Variants in MIPOL1 observed in about 807,000 individuals in gnomAD.
The protein encoded by MIPOL1 is mirror-image polydactyly 1, also known as mirror-image polydactyly gene 1 protein.
MIPOL1 carries 57 observed loss-of-function variants against 60.9 expected under a neutral mutation model. That is an observed-to-expected ratio of 0.94 (90% confidence interval 0.76 to 1.17). MIPOL1 has a LOEUF of 1.17. MIPOL1 is among the 50% of genes most tolerant of loss of function. The pLI is 0.00. For missense variants in MIPOL1, 551 were observed against 511.6 expected (o/e 1.08, Z -0.74); for synonymous variants, 179 against 168.8 (o/e 1.06, Z -0.47).
chr14:37,546,737 A>G (rs2095549020), intron 12 of MIPOL1, among the ~76,000 whole-genome samples, 168 bp from the exon 13 acceptor site: 1 of 152,164 alleles, frequency 6.6e-6, no homozygotes, highest in South Asian at 2.1e-4. Context: ...TTTAACCTCA[A>G]ATACTTGGCA....
At chr14:37,337,690 T>G (rs933828423) in intron 9 of MIPOL1, among the ~76,000 whole-genome samples, 3 of 151,890 alleles carry the variant, frequency 2.0e-5, no homozygotes, top group Non-Finnish European at 4.4e-5. Context: ...TTTAGAGAAA[T>G]GTCTATTGTG....
chr14:37,521,889 A>AAT (rs1411283022), intron 12 of MIPOL1, among the ~76,000 whole-genome samples: 1 of 52,940 alleles, frequency 1.9e-5, no homozygotes, highest in Admixed American at 2.5e-4. Context: ...TCTAAAGAAA[A>AAT]AAAAATATAT....
At chr14:37,345,227 C>A (rs1439434591) in intron 9 of MIPOL1, among the ~76,000 whole-genome samples, 1 of 149,668 alleles carries the variant, frequency 6.7e-6, no homozygotes, top group South Asian at 2.2e-4. Flanking sequence ...TCTCAGCCTT[C>A]TGAGTAGTTG....
At chr14:37,260,673 T>C (rs2082460112) in intron 3 of MIPOL1, among the ~76,000 whole-genome samples, 1 of 152,196 alleles carries the variant, frequency 6.6e-6, no homozygotes, top group Non-Finnish European at 1.5e-5. Context: ...TTATTAATTA[T>C]GTAGACCAAT....
At chr14:37,525,280 A>G (rs1422894781) in intron 12 of MIPOL1, among the ~76,000 whole-genome samples, 2 of 152,198 alleles carry the variant, frequency 1.3e-5, no homozygotes, top group East Asian at 1.9e-4. Context: ...GTAAACAGCA[A>G]TCATAATAGG....
At chr14:37,498,875 C>T (rs1463959380) in intron 11 of MIPOL1, among the ~76,000 whole-genome samples, 1 of 152,180 alleles carries the variant, frequency 6.6e-6, no homozygotes, top group East Asian at 1.9e-4. Flanking sequence ...TTACTTTGAA[C>T]AGTTTTAAAG....
intron 7 of MIPOL1, among the ~76,000 whole-genome samples, chr14:37,294,896 G>C (rs1483303632): frequency 6.6e-6 from 1 of 152,082 alleles, no homozygotes; most frequent in African/African-American, 2.4e-5. Flanking sequence ...TATCATCCAG[G>C]AGAACTTCCC....
intron 9 of MIPOL1, among the ~76,000 whole-genome samples, chr14:37,331,841 G>C (rs1054646471): frequency 1.3e-5 from 2 of 152,068 alleles, no homozygotes; most frequent in Non-Finnish European, 2.9e-5. Flanking sequence ...TCCTTGTCTT[G>C]TTCGAGATCT....
chr14:37,264,928 A>C (rs1276467172), intron 3 of MIPOL1, among the ~76,000 whole-genome samples: 2 of 152,138 alleles, frequency 1.3e-5, no homozygotes, highest in African/African-American at 2.4e-5. Context: ...CAAAGGTGGT[A>C]CTTTCAGCAC....
intron 1 of MIPOL1, among the ~76,000 whole-genome samples, chr14:37,236,480 A>G (rs1971501580): frequency 6.6e-6 from 1 of 151,820 alleles, no homozygotes; most frequent in African/African-American, 2.4e-5. Flanking sequence ...CTTGTCGCCC[A>G]GGCTGGAGTG....
intron 12 of MIPOL1, among the ~76,000 whole-genome samples, chr14:37,535,918 G>A (rs2095504319): frequency 6.7e-6 from 1 of 149,714 alleles, no homozygotes. Flanking sequence ...CTTTTCTTTT[G>A]GAGACAGGAT....
intron 9 of MIPOL1, among the ~76,000 whole-genome samples, chr14:37,329,014 G>C (rs2153452594): frequency 6.6e-6 from 1 of 152,194 alleles, no homozygotes; most frequent in Non-Finnish European, 1.5e-5. Context: ...AGAGCGGGCA[G>C]GTAAGGGAAA....
At chr14:37,478,817 A>C (rs1319031165) in intron 11 of MIPOL1, among the ~76,000 whole-genome samples, 1 of 152,122 alleles carries the variant, frequency 6.6e-6, no homozygotes, top group Non-Finnish European at 1.5e-5. Flanking sequence ...TATAATAATG[A>C]TAGAGGAGAG....
intron 7 of MIPOL1, among the ~76,000 whole-genome samples, chr14:37,302,262 G>GTTT (rs57468146): frequency 5.8e-4 from 55 of 95,034 alleles, no homozygotes; most frequent in African/African-American, 1.2e-3. Context: ...TGGAACTGTT[G>GTTT]TTTTTTTTTT....
intron 12 of MIPOL1, among the ~76,000 whole-genome samples, chr14:37,525,750 T>C (rs2095442418): frequency 6.6e-6 from 1 of 152,180 alleles, no homozygotes; most frequent in Non-Finnish European, 1.5e-5. Context: ...AGCAAACTTA[T>C]AAAAGTACTT....
chr14:37,463,245 CCACT>C (rs1390887738), intron 11 of MIPOL1, among the ~76,000 whole-genome samples: 1 of 152,128 alleles, frequency 6.6e-6, no homozygotes, highest in African/African-American at 2.4e-5. Context: ...CTCATGAGAC[CCACT>C]CACTCACTGT....
At chr14:37,483,457 C>A (rs1397379350) in intron 11 of MIPOL1, among the ~76,000 whole-genome samples, 2 of 152,000 alleles carry the variant, frequency 1.3e-5, no homozygotes, top group Admixed American at 6.6e-5. Flanking sequence ...TATTTTTCAT[C>A]CATGGTTGGT....
chr14:37,269,154 TC>T (rs1339918488), intron 5 of MIPOL1, among the ~76,000 whole-genome samples: 1 of 152,096 alleles, frequency 6.6e-6, no homozygotes, highest in East Asian at 1.9e-4. Flanking sequence ...AATTTTTTTT[TC>T]TTTATTAGTA....
At chr14:37,228,103 T>C (rs1970028530) in intron 1 of MIPOL1, among the ~76,000 whole-genome samples, 1 of 152,092 alleles carries the variant, frequency 6.6e-6, no homozygotes, top group South Asian at 2.1e-4. Flanking sequence ...GCTTGGGCTA[T>C]TGCTGTGGAT....
Sources: allele counts gnomAD v4.1 joint callset (sites outside exome capture counted in the v4.1 genomes callset), GRCh38; gene constraint gnomAD v4.1.1; transcripts MANE v1.5; gene names NCBI Gene and HGNC (gene_info 2026-07-23, HGNC 2026-07-21).